Variants in DHX30 observed in about 807,000 individuals in gnomAD.
The protein encoded by DHX30 is ATP-dependent RNA helicase DHX30.
Under a neutral mutation model 116.9 loss-of-function variants are expected in DHX30, and 4 were observed. That is an observed-to-expected ratio of 0.03 (90% CI 0.02 to 0.08). The LOEUF (loss-of-function observed/expected upper bound fraction) is 0.08, where lower values mean the gene tolerates loss of function less well. Ranked by LOEUF, DHX30 falls within the 10% of genes least tolerant of loss-of-function variation. The probability of loss-of-function intolerance (pLI) is 1.00; values close to 1 mark genes in which losing one functional copy is unlikely to be tolerated. For missense variants in DHX30, 871 were observed against 1,595.1 expected (o/e 0.55, Z 7.73); for synonymous variants, 697 against 651.7 (o/e 1.07, Z -1.06).
rs995590589 is a variant in DHX30 at position 47,846,990 on chromosome 3, C to T, written c.1918C>T (p.Arg640Trp). 1 of 1,610,912 alleles carries T rather than the reference C, an allele frequency of 6.2e-7. No individual in the cohort carries two copies. The highest frequency in any genetic ancestry group is 1.7e-4 in the Middle Eastern group (1 of 6,046). ...LGKHQYLHRH[R>W]HHESEDECAL... ...CAAGCACCAGTACCTGCACCGGCAC[C>T]GGCACCATGAGGTGAGGGACACCCC... The change falls in exon 11 of 22, where the codon CGG (arginine) becomes TGG (tryptophan). Residue 640 changes from arginine to tryptophan, a missense_variant. Transcript: ENST00000445061.
At chr3:47,831,739 G>T (rs550556410) in intron 6 of DHX30, among the ~76,000 whole-genome samples, 3 of 149,904 alleles carry the variant, frequency 2.0e-5, no homozygotes, top group Admixed American at 6.7e-5. Context: ...TTGAACTCCT[G>T]GGTTCAAGCC....
intron 3 of DHX30, among the ~76,000 whole-genome samples, chr3:47,812,223 A>G (rs930225223): frequency 2.7e-5 from 4 of 148,992 alleles, no homozygotes; most frequent in African/African-American, 5.0e-5. Flanking sequence ...GTGAGATGCC[A>G]TCTCAAAAAT....
chr3:47,832,825 G>C (rs567804105), intron 6 of DHX30, among the ~76,000 whole-genome samples: 40 of 151,738 alleles, frequency 2.6e-4, no homozygotes, highest in African/African-American at 9.4e-4. Flanking sequence ...TTTTGGTAGA[G>C]ACAGGGTTTT....
intron 4 of DHX30, chr3:47,825,045 G>C (rs969708461): frequency 3.1e-6 from 2 of 653,534 alleles, no homozygotes; most frequent in African/African-American, 1.9e-5. Flanking sequence ...GCACGATGGC[G>C]GCCGCTAGGA....
rs529360252 is a variant in DHX30, at chr3:47,813,235, C to T, written c.28+2524C>T. On this transcript the variant is annotated intron_variant, in intron 3 of 21. Transcript: ENST00000445061. Reference sequence around the variant, plus strand: ...GTGGGTGCCTATAGTCCCAGCTACTCGGGAGGCTGAGGCAGGAGAATGGTG... The same window carrying T: ...GTGGGTGCCTATAGTCCCAGCTACTTGGGAGGCTGAGGCAGGAGAATGGTG... Among the ~76,000 whole-genome samples, 8 of 152,022 alleles carry T rather than the reference C, an allele frequency of 5.3e-5. No individual in the cohort carries two copies. The South Asian group carries it at 1.5e-3, about 28-fold the overall frequency.
intron 5 of DHX30, among the ~76,000 whole-genome samples, chr3:47,828,008 G>A (rs2036621936): frequency 6.6e-6 from 1 of 151,898 alleles, no homozygotes; most frequent in African/African-American, 2.4e-5. Context: ...ACAGACAGGT[G>A]CCACCACACT....
chr3:47,829,314 A>ATATATATATT (rs1177077114), intron 6 of DHX30, among the ~76,000 whole-genome samples, 180 bp downstream of exon 6: 2 of 34,190 alleles, frequency 5.8e-5, no homozygotes, highest in African/African-American at 2.3e-4. Flanking sequence ...ATATATATAT[A>ATATATATATT]TTTTTTTTTT....
At chr3:47,832,821 T>G (rs2036922236) in intron 6 of DHX30, among the ~76,000 whole-genome samples, 1 of 151,872 alleles carries the variant, frequency 6.6e-6, no homozygotes, top group Admixed American at 6.6e-5. Flanking sequence ...ATATTTTTGG[T>G]AGAGACAGGG....
intron 6 of DHX30, among the ~76,000 whole-genome samples, chr3:47,829,756 G>GT (rs1470469806): frequency 6.6e-6 from 1 of 152,054 alleles, no homozygotes; most frequent in Non-Finnish European, 1.5e-5. Context: ...TTCCATGTTG[G>GT]TTTCTGTTTT....
chr3:47,804,113 C>G (rs1255062755), intron 1 of DHX30, among the ~76,000 whole-genome samples: 1 of 152,158 alleles, frequency 6.6e-6, no homozygotes, highest in African/African-American at 2.4e-5. Flanking sequence ...TGGGTTTTAA[C>G]TACATCTTGT....
At chr3:47,825,423 C>T (rs927560345) in intron 4 of DHX30, among the ~76,000 whole-genome samples, 20 of 152,250 alleles carry the variant, frequency 1.3e-4, no homozygotes, top group Non-Finnish European at 2.5e-4. Context: ...TAGCGTGGCA[C>T]AGGCCCGAAT....
At chr3:47,818,418 C>T (rs1172615036) in intron 4 of DHX30, among the ~76,000 whole-genome samples, 2 of 152,146 alleles carry the variant, frequency 1.3e-5, no homozygotes, top group African/African-American at 4.8e-5. Context: ...ATCCGCAGGG[C>T]TTGGGGCCTC....
At chr3:47,819,321 G>A (rs2036196915) in intron 4 of DHX30, 16 of 1,355,070 alleles carry the variant, frequency 1.2e-5, no homozygotes, top group South Asian at 1.1e-4. Context: ...ACGGTTAGTC[G>A]GGGTTAACCA....
intron 3 of DHX30, chr3:47,816,472 C>T (rs2036064000): frequency 1.0e-6 from 1 of 968,206 alleles, no homozygotes. Flanking sequence ...ATTCTCGTGC[C>T]TCAGCCTCCT....
At position 47,849,067 on chromosome 3, in the gene DHX30, C is replaced by A. The variant is rs761209325; in HGVS notation, c.2917C>A (p.Arg973Ser). ...EENLLYAPSL[R>S]FIHGLIKQFS... ...AAACCTGCTGTACGCACCCAGCCTG[C>A]GCTTCATCCACGGTCAGTCGGGCCC... Residue 973 changes from arginine to serine, a missense_variant, in exon 18 of 22, where the codon CGC becomes AGC. Arg to Ser is a moderately radical substitution (Grantham distance 110). Coordinates refer to ENST00000445061, the MANE Select transcript of DHX30 (RefSeq NM_138615.3). 6.2e-7 allele frequency: 1 copy of A among 1,609,920 alleles called. No homozygotes were observed. The highest frequency in any genetic ancestry group is 8.5e-7 in the Non-Finnish European group (1 of 1,177,278).
At position 47,827,468 on chromosome 3, in the gene DHX30, G is replaced by A. The variant is rs774442956; in HGVS notation, c.246G>A (p.Pro82=). ...TAGTCTACGTGCACACAAATGGACC[G>A]AAGAAAAAGGTAACTCTGCTGGTGG... ...DKLVYVHTNG[P]KKKKVTLHIK... Residue 82 remains proline (P), a synonymous_variant, in exon 5 of 22, where the codon CCG becomes CCA. Coordinates refer to ENST00000445061, the MANE Select transcript of DHX30 (RefSeq NM_138615.3). The A allele has an allele frequency of 7.5e-6, 12 of 1,609,938 alleles. No homozygotes were observed. The highest frequency in any genetic ancestry group is 2.2e-5 in the East Asian group (1 of 44,808).
At chr3:47,824,148 G>A (rs932608085) in intron 4 of DHX30, among the ~76,000 whole-genome samples, 3 of 151,736 alleles carry the variant, frequency 2.0e-5, no homozygotes, top group African/African-American at 4.8e-5. Context: ...GATTACAGGC[G>A]CGCGACACTA....
At chr3:47,841,239 A>C (rs922691145) in intron 7 of DHX30, 61 bp downstream of exon 7, 8 of 1,575,812 alleles carry the variant, frequency 5.1e-6, no homozygotes, top group South Asian at 1.1e-5. Flanking sequence ...GGGATGGGCG[A>C]ATGTTCTCTG....
chr3:47,810,629 A>G (rs2035747555), intron 2 of DHX30, 28 bp from the exon 3 acceptor site: 2 of 1,590,536 alleles, frequency 1.3e-6, no homozygotes, highest in Non-Finnish European at 1.7e-6. Context: ...AATATTAACC[A>G]TTGCCTCTTG....
Sources: allele counts gnomAD v4.1 joint callset (sites outside exome capture counted in the v4.1 genomes callset), GRCh38; gene constraint gnomAD v4.1.1; transcripts MANE v1.5; gene names NCBI Gene and HGNC (gene_info 2026-07-23, HGNC 2026-07-21).